Variants in ISM1 observed in about 807,000 individuals in gnomAD.
The protein encoded by ISM1 is isthmin 1.
In ISM1, 25 loss-of-function variants were observed where a neutral mutation model predicts 46.3. The ratio of observed to expected loss-of-function variants is 0.54; its 90% confidence interval spans 0.39 to 0.75. The LOEUF is 0.75. Among genes scored for constraint, ISM1 ranks in the 30% least tolerant of loss-of-function variants. The pLI is 0.00. For synonymous variants in ISM1, 255 were observed against 256.7 expected, an observed-to-expected ratio of 0.99 and a Z score of 0.06; for missense variants, 536 against 625.4, an observed-to-expected ratio of 0.86 and a Z score of 1.52.
At chr20:13,281,231 G>A (rs2040235379) in intron 3 of ISM1, among the ~76,000 whole-genome samples, 1 of 152,178 alleles carries the variant, frequency 6.6e-6, no homozygotes, top group South Asian at 2.1e-4. Context: ...CCAATCTGTG[G>A]ACCAAGGGAG....
At chr20:13,293,093 G>A (rs982187269) in intron 5 of ISM1, among the ~76,000 whole-genome samples, 3 of 151,772 alleles carry the variant, frequency 2.0e-5, no homozygotes, top group South Asian at 2.1e-4. Flanking sequence ...CCAGCTACTC[G>A]GGAGGCTGAG....
intron 5 of ISM1, among the ~76,000 whole-genome samples, chr20:13,295,494 C>A (rs1251400225): frequency 6.6e-6 from 1 of 152,200 alleles, no homozygotes; most frequent in Non-Finnish European, 1.5e-5. Context: ...CCTTAGTTTG[C>A]ACAATGAATG....
At chr20:13,319,773 G>A in the ISM1 span, among the ~76,000 whole-genome samples, 6 of 152,196 alleles carry the variant, frequency 3.9e-5, no homozygotes, top group South Asian at 2.1e-4. Flanking sequence ...TGAGAGAGAC[G>A]TGGGGACAGC....
chr20:13,236,864 T>C (rs555434825), intron 1 of ISM1, among the ~76,000 whole-genome samples: 39 of 152,376 alleles, frequency 2.6e-4, no homozygotes, highest in African/African-American at 8.2e-4. Flanking sequence ...CTTGGGCAGC[T>C]CTGCCCCCGG....
At chr20:13,249,504 T>TGTTTTGGCCCA (rs1238292939) in intron 1 of ISM1, among the ~76,000 whole-genome samples, 20 of 152,346 alleles carry the variant, frequency 1.3e-4, no homozygotes, top group African/African-American at 4.6e-4. Flanking sequence ...CAATCGAGGA[T>TGTTTTGGCCCA]GTTTTGGCCC....
intron 1 of ISM1, among the ~76,000 whole-genome samples, chr20:13,251,552 A>C (rs2039868223): frequency 6.6e-6 from 1 of 152,194 alleles, no homozygotes; most frequent in East Asian, 1.9e-4. Context: ...ATCTGGCATG[A>C]GAGAAAGTGA....
intron 1 of ISM1, among the ~76,000 whole-genome samples, chr20:13,230,521 C>T (rs184797752): frequency 2.9e-4 from 44 of 152,142 alleles, no homozygotes; most frequent in Admixed American, 1.6e-3. Context: ...TCTTTTGCAA[C>T]CCTTGGCTTA....
chr20:13,293,621 G>A (rs139990943), intron 5 of ISM1, among the ~76,000 whole-genome samples: 19 of 152,006 alleles, frequency 1.2e-4, no homozygotes, highest in African/African-American at 3.9e-4. Flanking sequence ...AACAAGTCTC[G>A]AATAAAAGGA....
At chr20:13,281,779 G>C (rs2040240914) in intron 3 of ISM1, among the ~76,000 whole-genome samples, 1 of 152,234 alleles carries the variant, frequency 6.6e-6, no homozygotes, top group Non-Finnish European at 1.5e-5. Flanking sequence ...ATGCCAGCCT[G>C]AGATTGCACA....
At position 13,259,364 on chromosome 20, in the gene ISM1, CTT is replaced by C. The variant is rs377484031; in HGVS notation, c.139-11138_139-11137del. On this transcript the variant is annotated intron_variant, in intron 1 of 5. Coordinates refer to ENST00000262487, the MANE Select transcript of ISM1 (RefSeq NM_080826.2). ...ACTTCCACTCCTTCAGAATTTCCCA[CTT>C]TCTACTTTGCATTTTATATGGATAC... Among the ~76,000 whole-genome samples, 341 of 152,114 alleles carry C rather than the reference CTT, an allele frequency of 2.2e-3. 2 individuals are homozygous for C. Among genetic ancestry groups the C allele is most frequent in the African/African-American group, 7.3e-3 (305 of 41,532 alleles).
chr20:13,253,448 C>T (rs1475659423), intron 1 of ISM1, among the ~76,000 whole-genome samples: 2 of 152,156 alleles, frequency 1.3e-5, no homozygotes, highest in Non-Finnish European at 2.9e-5. Context: ...TCTTTGAGAG[C>T]GCTGTGTTTC....
At chr20:13,292,605 T>C in intron 5 of ISM1, 142 bp downstream of exon 5, 1 of 636,718 alleles carries the variant, frequency 1.6e-6, no homozygotes, top group Non-Finnish European at 2.8e-6. Flanking sequence ...GTGTCTTGCT[T>C]GCTGAATATA....
chr20:13,301,731 T>C (rs1481982259), downstream of ISM1, among the ~76,000 whole-genome samples: 4 of 152,104 alleles, frequency 2.6e-5, no homozygotes, highest in Non-Finnish European at 5.9e-5. Flanking sequence ...GGCAATGGAA[T>C]GCATTGCCTT....
chr20:13,294,002 A>AG (rs2040381442), intron 5 of ISM1, among the ~76,000 whole-genome samples: 1 of 152,066 alleles, frequency 6.6e-6, no homozygotes, highest in South Asian at 2.1e-4. Context: ...AAAGAAAAAA[A>AG]AGAAAAGAAA....
At chr20:13,248,812 C>G (rs986636113) in intron 1 of ISM1, among the ~76,000 whole-genome samples, 55 of 152,126 alleles carry the variant, frequency 3.6e-4, no homozygotes, top group Non-Finnish European at 2.1e-4. Flanking sequence ...GCGGGGGAAG[C>G]CAGTGGAATA....
intron 4 of ISM1, among the ~76,000 whole-genome samples, chr20:13,289,484 G>A (rs1319735729): frequency 2.0e-5 from 3 of 152,222 alleles, no homozygotes; most frequent in Non-Finnish European, 2.9e-5. Context: ...CTTGGTGAGA[G>A]GTCATGTTGA....
At chr20:13,319,914 T>C in the ISM1 span, among the ~76,000 whole-genome samples, 2 of 152,140 alleles carry the variant, frequency 1.3e-5, no homozygotes, top group African/African-American at 2.4e-5. Context: ...AGGGCTCTTC[T>C]GGGAAACAGG....
At chr20:13,227,513 CT>C (rs57317837) in intron 1 of ISM1, among the ~76,000 whole-genome samples, 37,412 of 115,162 alleles carry the variant, frequency 0.32, 5,027 homozygotes, top group Middle Eastern at 0.43. Flanking sequence ...CAACTTTTTT[CT>C]TTTTTTTTTT....
intron 1 of ISM1, among the ~76,000 whole-genome samples, chr20:13,231,921 C>T (rs971359614): frequency 1.3e-5 from 2 of 152,162 alleles, no homozygotes; most frequent in African/African-American, 4.8e-5. Flanking sequence ...CTGGACACCA[C>T]TTATCTATTT....
Sources: gnomAD v4.1 joint callset for allele counts (sites outside exome capture counted in the v4.1 genomes callset) on GRCh38, gnomAD v4.1.1 for gene constraint, MANE v1.5 for transcripts, NCBI Gene and HGNC (gene_info 2026-07-23, HGNC 2026-07-21) for gene names.